MED17: variants seen among roughly 807,000 people sequenced by gnomAD.
MED17 encodes the protein mediator complex subunit 17.
In MED17, 49 loss-of-function variants were observed where a neutral mutation model predicts 80.8. That is an observed-to-expected ratio of 0.61 (90% CI 0.48 to 0.77). MED17 has a LOEUF of 0.77. Among genes scored for constraint, MED17 ranks in the 30% least tolerant of loss-of-function variants. The pLI, the probability that MED17 is intolerant of heterozygous loss-of-function variation, is 0.00. For missense variants in MED17, 718 were observed against 787.0 expected (o/e 0.91, Z 1.05); for synonymous variants, 281 against 280.4 (o/e 1.00, Z -0.02).
intron 1 of MED17, 81 bp from the exon 2 acceptor site, chr11:93,787,920 C>A: frequency 3.4e-6 from 4 of 1,173,626 alleles, no homozygotes; most frequent in Non-Finnish European, 5.1e-6. Flanking sequence ...CCTTTTAGTA[C>A]TTTTTAAACC....
At chr11:93,789,855 A>G (rs1427510339) in intron 2 of MED17, 1 of 151,714 alleles carries the variant, frequency 6.6e-6, no homozygotes, top group East Asian at 1.9e-4. Context: ...GCTTCTCAAG[A>G]AGCTGAAGCA....
intron 10 of MED17, 86 bp downstream of exon 10, chr11:93,807,721 T>G (rs1334967742): frequency 1.1e-6 from 1 of 884,428 alleles, no homozygotes; most frequent in Non-Finnish European, 1.9e-6. Flanking sequence ...TAAAATGTAA[T>G]AAATTGTGTA....
chr11:93,797,558 C>G lies in MED17; in HGVS notation c.1167C>G (p.Ser389=), dbSNP rs778651154. 2 of 1,614,032 alleles carry G rather than the reference C, an allele frequency of 1.2e-6. No individual in the cohort carries two copies. The highest frequency in any genetic ancestry group is 1.7e-6 in the Non-Finnish European group (2 of 1,179,958). ...AGTTTCATAAACAGACCTTGAGTTCCATCATGATGCCTCATCCAGCAAGTG... is the reference window on the plus strand; with the variant it reads ...AGTTTCATAAACAGACCTTGAGTTCGATCATGATGCCTCATCCAGCAAGTG... ...IREFHKQTLS[S]IMMPHPASAP... The change falls in exon 8 of 12, where the codon TCC becomes TCG. Residue 389 remains serine (S), a synonymous_variant. Coordinates refer to ENST00000251871, the MANE Select transcript of MED17 (RefSeq NM_004268.5).
At chr11:93,796,047 C>A in intron 6 of MED17, 1 of 299,056 alleles carries the variant, frequency 3.3e-6, no homozygotes, top group Non-Finnish European at 6.4e-6. Context: ...CTTCCCGGGT[C>A]CAAGCAATTC....
At position 93,795,061 on chromosome 11, in the gene MED17, G is replaced by T; in HGVS notation, c.1012+1G>T. 1 of 1,614,152 alleles carries T rather than the reference G, an allele frequency of 6.2e-7. No homozygotes were observed. The highest frequency in any genetic ancestry group is 8.5e-7 in the Non-Finnish European group (1 of 1,180,032). On this transcript the variant is annotated splice_donor_variant, in intron 6 of 11. Coordinates refer to ENST00000251871, the MANE Select transcript of MED17 (RefSeq NM_004268.5). LOFTEE classifies it high-confidence loss of function. Reference sequence around the variant, plus strand: ...CAGATTATCTCTCAGCCCTTTCCGAGTAAGAGCAGCCCTTTTTCGACTTTA... The same window carrying T: ...CAGATTATCTCTCAGCCCTTTCCGATTAAGAGCAGCCCTTTTTCGACTTTA...
intron 9 of MED17, among the ~76,000 whole-genome samples, chr11:93,802,954 A>G (rs1193407921): frequency 6.6e-6 from 1 of 152,202 alleles, no homozygotes; most frequent in African/African-American, 2.4e-5. Flanking sequence ...GACATTTGTC[A>G]GGGTCTGTGA....
At position 93,807,673 on chromosome 11, in the gene MED17, G is replaced by A. The variant is rs567756678; in HGVS notation, c.1584+38G>A. ...GATTTTGTCTTAAGCCCCCTTCTTCGCATAGCTACTTAAAGAACAAATTGG... is the reference window on the plus strand; with the variant it reads ...GATTTTGTCTTAAGCCCCCTTCTTCACATAGCTACTTAAAGAACAAATTGG... On this transcript the variant is annotated intron_variant, in intron 10 of 11. Transcript: ENST00000251871. 525 of 1,138,230 alleles carry A rather than the reference G, an allele frequency of 4.6e-4. 4 individuals carry two copies. The South Asian group carries it at 5.9e-3, about 13-fold the overall frequency. The allele number at this position is 1,138,230 out of a possible 1,614,324, so 70.5% of individuals were successfully genotyped here. A position where few individuals can be genotyped will look rare whatever the true frequency, so the allele number is the denominator to read the frequency against.
rs922262412 is a variant in MED17, at chr11:93,787,983, T to C, written c.251-18T>C. The C allele has an allele frequency of 8.1e-6, 13 of 1,610,648 alleles. No individual in the cohort carries two copies. Among genetic ancestry groups the C allele is most frequent in the African/African-American group, 4.0e-5 (3 of 74,854 alleles). ...ACGAATACTTCTGTATTTCTTTTTT[T>C]TCTCTCTCTCTTTTTAGGAGTGGTA... On this transcript the variant is annotated intron_variant, in intron 1 of 11. Coordinates refer to ENST00000251871, the MANE Select transcript of MED17 (RefSeq NM_004268.5).
chr11:93,789,396 C>T (rs1172747829), intron 2 of MED17: 1 of 152,188 alleles, frequency 6.6e-6, no homozygotes, highest in African/African-American at 2.4e-5. Flanking sequence ...GCCTTTTCTA[C>T]TATTCTGTGC....
Position 93,795,059 on chromosome 11 carries a change from G to C in MED17, c.1011G>C (p.Pro337=). 1 of 1,614,078 alleles carries C rather than the reference G, an allele frequency of 6.2e-7. No individual in the cohort carries two copies. Among genetic ancestry groups the C allele is most frequent in the Non-Finnish European group, 8.5e-7 (1 of 1,180,016 alleles). ...ACCAGATTATCTCTCAGCCCTTTCC[G>C]AGTAAGAGCAGCCCTTTTTCGACTT... is the stretch of plus-strand genomic sequence containing the variant. ...VKNQIISQPF[P]SLQLSISLCH... Residue 337 remains proline, a splice_region_variant and synonymous_variant, in exon 6 of 12, where the codon CCG becomes CCC. Transcript: ENST00000251871.
Position 93,807,587 on chromosome 11 carries a change from T to C in MED17, c.1536T>C (p.Ile512=). Residue 512 remains isoleucine (I), a synonymous_variant, in exon 10 of 12, where the codon ATT becomes ATC. Coordinates refer to ENST00000251871, the MANE Select transcript of MED17 (RefSeq NM_004268.5). The stretch of plus-strand genomic sequence containing the variant: ...TTGTACATAGAGATGGAAGAGTAAT[T>C]ACACTGTCTTATCAGGAGCAGGAGC... ...IRVVHRDGRV[I]TLSYQEQELQ... 3 of 1,613,452 alleles carry C rather than the reference T, an allele frequency of 1.9e-6. No homozygotes were observed. Among genetic ancestry groups the C allele is most frequent in the Non-Finnish European group, 2.5e-6 (3 of 1,179,464 alleles).
At chr11:93,803,872 G>A (rs1401514467) in intron 9 of MED17, among the ~76,000 whole-genome samples, 1 of 151,758 alleles carries the variant, frequency 6.6e-6, no homozygotes, top group East Asian at 1.9e-4. Flanking sequence ...TGAAGGAGAA[G>A]TAGAAGGCAG....
chr11:93,797,780 G>A, intron 8 of MED17, 61 bp downstream of exon 8: 1 of 1,461,976 alleles, frequency 6.8e-7, no homozygotes. Flanking sequence ...GTTTTCTTCT[G>A]TTATTTCATA....
rs1258460903 is a variant in MED17 at position 93,791,051 on chromosome 11, T to G, written c.637+258T>G. ...TGAACCCAGGAGGTGGAGGTTGCAG[T>G]GAGCCAAGATCGCACCATTGCTCTC... On this transcript the variant is annotated intron_variant, in intron 3 of 11. Transcript: ENST00000251871. Among the ~76,000 whole-genome samples, 5 of 152,196 alleles carry G rather than the reference T, an allele frequency of 3.3e-5. No homozygotes were observed. In the East Asian group the frequency reaches 9.6e-4, roughly 29 times the overall value.
intron 9 of MED17, among the ~76,000 whole-genome samples, chr11:93,804,757 C>T (rs1035195459): frequency 2.0e-5 from 3 of 152,150 alleles, no homozygotes; most frequent in African/African-American, 7.2e-5. Flanking sequence ...GTTGTATAAC[C>T]ATCATCGTCT....
intron 10 of MED17, chr11:93,808,546 T>C (rs1944052160): frequency 6.7e-6 from 1 of 149,614 alleles, no homozygotes; most frequent in Admixed American, 6.6e-5. Flanking sequence ...AGATATAGGG[T>C]AGGTTTTTGA....
chr11:93,810,422 G>C (rs1473897084), intron 11 of MED17: 3 of 154,636 alleles, frequency 1.9e-5, no homozygotes, highest in Non-Finnish European at 4.3e-5. Context: ...GAGTTCAGTG[G>C]CGTGATCTCA....
intron 8 of MED17, among the ~76,000 whole-genome samples, chr11:93,798,124 G>T (rs1943923996): frequency 1.3e-5 from 2 of 152,100 alleles, no homozygotes; most frequent in African/African-American, 4.8e-5. Flanking sequence ...TTTAATCTTT[G>T]TTCTTTGCGG....
At chr11:93,807,798 C>T (rs936112477) in intron 10 of MED17, 163 bp downstream of exon 10, 10 of 664,596 alleles carry the variant, frequency 1.5e-5, no homozygotes, top group Non-Finnish European at 2.7e-5. Flanking sequence ...CATTTTACAA[C>T]CTGTTGGTTA....
Sources: gnomAD v4.1 joint callset for allele counts (sites outside exome capture counted in the v4.1 genomes callset) on GRCh38, gnomAD v4.1.1 for gene constraint, MANE v1.5 for transcripts, NCBI Gene and HGNC (gene_info 2026-07-23, HGNC 2026-07-21) for gene names.